Variants in ZSCAN25 observed in about 807,000 individuals in gnomAD.
ZSCAN25 encodes zinc finger and SCAN domain-containing protein 25.
A neutral mutation model predicts 38.7 loss-of-function variants in ZSCAN25; 27 were observed. That is an observed-to-expected ratio of 0.70 (90% CI 0.51 to 0.96). The LOEUF (loss-of-function observed/expected upper bound fraction) is 0.96, where lower values mean the gene tolerates loss of function less well. Ranked by LOEUF, ZSCAN25 falls within the 40% of genes least tolerant of loss-of-function variation. The pLI is 0.00. For synonymous variants in ZSCAN25, 273 were observed against 277.7 expected, an observed-to-expected ratio of 0.98 and a Z score of 0.17; for missense variants, 637 against 705.9, an observed-to-expected ratio of 0.90 and a Z score of 1.11.
chr7:99,677,526 CCT>C, the ZSCAN25 span, among the ~76,000 whole-genome samples: 1 of 152,186 alleles, frequency 6.6e-6, no homozygotes, highest in Non-Finnish European at 1.5e-5. Flanking sequence ...CTTGTTTACT[CCT>C]CTTTAGAGGT....
chr7:99,723,346 CT>C, the ZSCAN25 span, among the ~76,000 whole-genome samples: 4 of 152,194 alleles, frequency 2.6e-5, no homozygotes, highest in Admixed American at 1.3e-4. Flanking sequence ...GACAATGAGT[CT>C]TATGATCTCC....
the ZSCAN25 span, among the ~76,000 whole-genome samples, chr7:99,657,783 T>C: frequency 1.3e-5 from 2 of 152,216 alleles, no homozygotes; most frequent in Non-Finnish European, 2.9e-5. Flanking sequence ...TGGGTGCATA[T>C]ATATTTAGGA....
At chr7:99,695,694 A>G in the ZSCAN25 span, 3 of 1,490,812 alleles carry the variant, frequency 2.0e-6, no homozygotes, top group Non-Finnish European at 2.8e-6. Context: ...GATGGAACTA[A>G]GCTGCTCTCT....
chr7:99,730,253 C>A, the ZSCAN25 span, among the ~76,000 whole-genome samples: 3 of 152,202 alleles, frequency 2.0e-5, no homozygotes, highest in Non-Finnish European at 4.4e-5. Context: ...TTTGTCAAAT[C>A]ATCCCCTTTC....
chr7:99,645,844 C>T, the ZSCAN25 span, among the ~76,000 whole-genome samples: 1 of 151,582 alleles, frequency 6.6e-6, no homozygotes, highest in Non-Finnish European at 1.5e-5. Flanking sequence ...GGCTATTAGA[C>T]CTTTGTTGGA....
intron 3 of ZSCAN25, 154 bp from the exon 4 acceptor site, chr7:99,619,407 A>G: frequency 1.7e-6 from 1 of 603,898 alleles, no homozygotes; most frequent in Non-Finnish European, 2.8e-6. Flanking sequence ...GCAAATGATT[A>G]CTATGTTGAA....
At chr7:99,682,179 A>G in the ZSCAN25 span, among the ~76,000 whole-genome samples, 1 of 152,162 alleles carries the variant, frequency 6.6e-6, no homozygotes, top group Non-Finnish European at 1.5e-5. Context: ...CATGTTGGCC[A>G]GGCTGGTCTT....
At chr7:99,683,687 T>C in the ZSCAN25 span, among the ~76,000 whole-genome samples, 2 of 152,134 alleles carry the variant, frequency 1.3e-5, no homozygotes, top group East Asian at 3.9e-4. Flanking sequence ...CTCTGGCTGC[T>C]TTTTCAGGCC....
chr7:99,665,318 A>C, the ZSCAN25 span: 1 of 1,614,140 alleles, frequency 6.2e-7, no homozygotes, highest in Non-Finnish European at 8.5e-7. Flanking sequence ...AAAGATGCTG[A>C]GTGGAGAAAG....
chr7:99,726,508 T>G, the ZSCAN25 span, among the ~76,000 whole-genome samples: 1 of 152,220 alleles, frequency 6.6e-6, no homozygotes, highest in East Asian at 1.9e-4. Flanking sequence ...TATTCCATTC[T>G]TGATCTTAAA....
chr7:99,631,984 C>G lies in ZSCAN25; in HGVS notation c.*1964C>G, dbSNP rs1447936380. On this transcript the variant is annotated 3_prime_UTR_variant, in exon 8 of 8. Transcript: ENST00000394152. ...CTTCTGGCCTGAGTGTGGCCTTCCC[C>G]AGAGGGTGGTTTTCCAAAGGCAGGT... The G allele has an allele frequency of 1.0e-6, 1 of 985,352 alleles. No homozygotes were observed. Among genetic ancestry groups the G allele is most frequent in the African/African-American group, 1.7e-5 (1 of 57,226 alleles). 61.0% of individuals were successfully genotyped at this position (985,352 alleles called of 1,614,324 possible).
chr7:99,710,912 A>C, the ZSCAN25 span: 8 of 1,613,376 alleles, frequency 5.0e-6, no homozygotes, highest in Non-Finnish European at 6.8e-6. Context: ...GAGAAAAGAC[A>C]TTTTAGGTAA....
chr7:99,647,356 C>A, the ZSCAN25 span: 2 of 382,490 alleles, frequency 5.2e-6, no homozygotes, highest in South Asian at 1.0e-4. Context: ...TGCAACCCAC[C>A]TAATGGCTTT....
the ZSCAN25 span, chr7:99,652,177 T>TTA: frequency 2.7e-5 from 4 of 148,434 alleles, no homozygotes; most frequent in East Asian, 3.9e-4. Context: ...ATATATATAT[T>TTA]TATATATATA....
the ZSCAN25 span, chr7:99,715,780 T>C: frequency 6.2e-7 from 1 of 1,613,886 alleles, no homozygotes; most frequent in South Asian, 1.1e-5. Context: ...CGAATGGATC[T>C]AATGGATTAA....
At chr7:99,697,895 C>T in the ZSCAN25 span, among the ~76,000 whole-genome samples, 2 of 152,180 alleles carry the variant, frequency 1.3e-5, no homozygotes, top group Non-Finnish European at 2.9e-5. Context: ...ATCAATGACA[C>T]TAATCTCTGC....
the ZSCAN25 span, among the ~76,000 whole-genome samples, chr7:99,689,317 A>G: frequency 6.6e-6 from 1 of 152,222 alleles, no homozygotes; most frequent in Non-Finnish European, 1.5e-5. Context: ...AGATGCAATA[A>G]AAAATGACAA....
At chr7:99,652,598 T>C in the ZSCAN25 span, 8 of 1,613,996 alleles carry the variant, frequency 5.0e-6, no homozygotes, top group Non-Finnish European at 6.8e-6. Flanking sequence ...CTTTGGGTCA[T>C]GGTGAAGAGC....
chr7:99,694,081 G>A, the ZSCAN25 span, among the ~76,000 whole-genome samples: 19 of 152,158 alleles, frequency 1.2e-4, no homozygotes, highest in African/African-American at 3.9e-4. Context: ...GTGTAAACTA[G>A]GTAACTCCTT....
Sources: allele counts gnomAD v4.1 joint callset (sites outside exome capture counted in the v4.1 genomes callset), GRCh38; gene constraint gnomAD v4.1.1; transcripts MANE v1.5; gene names NCBI Gene and HGNC (gene_info 2026-07-23, HGNC 2026-07-21).